Variants in YOD1 observed in about 807,000 individuals in gnomAD.
YOD1 encodes YOD1 deubiquitinase, also known as ubiquitin thioesterase OTU1.
A neutral mutation model predicts 23.7 loss-of-function variants in YOD1; 17 were observed. That is an observed-to-expected ratio of 0.72 (90% CI 0.49 to 1.07). The LOEUF (loss-of-function observed/expected upper bound fraction) is 1.07, where lower values mean the gene tolerates loss of function less well. Ranked by LOEUF, YOD1 falls within the 50% of genes least tolerant of loss-of-function variation. YOD1 has a pLI of 0.00. For synonymous variants in YOD1, 191 were observed against 169.6 expected (o/e 1.13, Z -0.98); for missense variants, 413 against 447.2 (o/e 0.92, Z 0.69).
In YOD1 at chr1:207,050,698, G is replaced by T. The variant is rs367980347; in HGVS notation, c.333C>A (p.Pro111=). 68 of 1,613,004 alleles carry T rather than the reference G, an allele frequency of 4.2e-5. No homozygotes were observed. Among genetic ancestry groups the T allele is most frequent in the Middle Eastern group, 3.3e-4 (2 of 6,082 alleles). Residue 111 remains proline, a synonymous_variant, in exon 1 of 2, where the codon CCC becomes CCA. Transcript: ENST00000315927. ...SNGDTILEDL[P]IQSGDMLIIE... ...GCCCTGATTCCTTACCAGATTGGAT[G>T]GGCAAGTCTTCCAGAATGGTATCCC...
At position 207,048,994 on chromosome 1, in the gene YOD1, G is replaced by A; in HGVS notation, c.*26C>T. 3 of 1,593,814 alleles carry A rather than the reference G, an allele frequency of 1.9e-6. No homozygotes were observed. Among genetic ancestry groups the A allele is most frequent in the Admixed American group, 1.7e-5 (1 of 58,850 alleles). The stretch of plus-strand genomic sequence containing the variant: ...AGCCTTCTGGATGTGTGAGGTAGTA[G>A]GCTTCAACCCTCATTCATGCATAGG... On this transcript the variant is annotated 3_prime_UTR_variant, in exon 2 of 2. Transcript: ENST00000315927.
rs566341768 is a variant in YOD1 at position 207,044,185 on chromosome 1, G to A, written c.*4835C>T. 6 of 152,432 alleles carry A rather than the reference G, an allele frequency of 3.9e-5. No homozygotes were observed. Among genetic ancestry groups the A allele is most frequent in the South Asian group, 2.1e-4 (1 of 4,822 alleles). 9.4% of individuals were successfully genotyped at this position (152,432 alleles called of 1,614,324 possible). ...TCTTTACTTGTGGTTTTCTTTTTGC[G>A]TTAGGAACCTCTGTCTCTACTGCAT... On this transcript the variant is annotated 3_prime_UTR_variant, in exon 2 of 2. Coordinates refer to ENST00000315927, the MANE Select transcript of YOD1 (RefSeq NM_018566.4).
At position 207,044,371 on chromosome 1, in the gene YOD1, T is replaced by C. The variant is rs1682544857; in HGVS notation, c.*4649A>G. ...CAGCTGGAGTCCTGAATGGCACCAA[T>C]GTGACTGGAAAACTGACAAAAATTA... On this transcript the variant is annotated 3_prime_UTR_variant, in exon 2 of 2. Coordinates refer to ENST00000315927, the MANE Select transcript of YOD1 (RefSeq NM_018566.4). The C allele has an allele frequency of 6.6e-6, 1 of 152,588 alleles. No individual in the cohort carries two copies. Among genetic ancestry groups the C allele is most frequent in the South Asian group, 2.1e-4 (1 of 4,830 alleles). The allele number at this position is 152,588 out of a possible 1,614,324, so 9.5% of individuals were successfully genotyped here.
At position 207,051,070 on chromosome 1, in the gene YOD1, C is replaced by G. The variant is rs770733438; in HGVS notation, c.-40G>C. On this transcript the variant is annotated 5_prime_UTR_variant, in exon 1 of 2. Transcript: ENST00000315927. ...GGTGGTTGCAGTTATCGCGACGCTT[C>G]GGTGCGGCTTCTGCCTTAGTACCTT... The G allele has an allele frequency of 1.4e-4, 198 of 1,465,702 alleles. No homozygotes were observed. Among genetic ancestry groups the G allele is most frequent in the Non-Finnish European group, 1.7e-4 (186 of 1,111,980 alleles). 90.8% of individuals were successfully genotyped at this position (1,465,702 alleles called of 1,614,324 possible). A position where few individuals can be genotyped will look rare whatever the true frequency, so the allele number is the denominator to read the frequency against.
chr1:207,050,761 G>C lies in YOD1; in HGVS notation c.270C>G (p.Leu90=). 1 of 1,613,416 alleles carries C rather than the reference G, an allele frequency of 6.2e-7. No individual in the cohort carries two copies. The highest frequency in any genetic ancestry group is 8.5e-7 in the Non-Finnish European group (1 of 1,180,036). Residue 90 remains leucine (L), a synonymous_variant, in exon 1 of 2, where the codon CTC becomes CTG. Transcript: ENST00000315927. The part of the protein sequence containing the change: ...TGIAPGGQRI[L]VGYPPECLDL... Reference sequence around the variant, plus strand: ...CCAGGCACTCGGGAGGGTATCCGACGAGGATTCGCTGACCGCCGGGGGCGA... The same window carrying C: ...CCAGGCACTCGGGAGGGTATCCGACCAGGATTCGCTGACCGCCGGGGGCGA...
chr1:207,050,995 G>C lies in YOD1; in HGVS notation c.36C>G (p.Val12=). Residue 12 remains valine, a synonymous_variant, in exon 1 of 2, where the codon GTC becomes GTG. Coordinates refer to ENST00000315927, the MANE Select transcript of YOD1 (RefSeq NM_018566.4). ...FGPAKGRHFG[V]HPAPGFPGGV... is the part of the protein sequence containing the mutation. ...CGCCGGGGAAACCAGGCGCCGGGTG[G>C]ACTCCAAAATGGCGACCTTTAGCGG... The C allele has an allele frequency of 6.5e-7, 1 of 1,531,872 alleles. No homozygotes were observed. Among genetic ancestry groups the C allele is most frequent in the Non-Finnish European group, 8.8e-7 (1 of 1,137,934 alleles). The allele number at this position is 1,531,872 out of a possible 1,614,324, so 94.9% of individuals were successfully genotyped here.
Position 207,049,501 on chromosome 1 carries a change from A to T in YOD1, c.566T>A (p.Ile189Asn), listed in dbSNP as rs1369051532. 1 of 1,614,122 alleles carries T rather than the reference A, an allele frequency of 6.2e-7. No individual in the cohort carries two copies. The highest frequency in any genetic ancestry group is 8.5e-7 in the Non-Finnish European group (1 of 1,180,004). Residue 189 changes from isoleucine to asparagine, a missense_variant, in exon 2 of 2, where the codon ATT (isoleucine) becomes AAT (asparagine). Ile to Asn is a moderately radical substitution (Grantham distance 149). Coordinates refer to ENST00000315927, the MANE Select transcript of YOD1 (RefSeq NM_018566.4). Reference protein sequence around the residue: ...APEMRRLIAQIVASDPDFYSE... With the variant: ...APEMRRLIAQNVASDPDFYSE... Reference sequence around the variant, plus strand: ...ATAGAAGTCTGGATCGCTTGCTACAATTTGTGCTATGAGGCGTCTCATCTC... The same window carrying T: ...ATAGAAGTCTGGATCGCTTGCTACATTTTGTGCTATGAGGCGTCTCATCTC...
At chr1:207,052,129 C>T, upstream of YOD1, 4 of 1,539,436 alleles carry the variant, frequency 2.6e-6, no homozygotes, top group Non-Finnish European at 3.6e-6. Context: ...TATCAAGCAT[C>T]AAACGGGCCC....
chr1:207,052,283 C>T (rs745552425), upstream of YOD1: 1 of 1,537,890 alleles, frequency 6.5e-7, no homozygotes, highest in South Asian at 1.1e-5. Context: ...GTGCAATTTT[C>T]CTCCTTGGTT....
rs1441934448 is a variant in YOD1, at chr1:207,050,984, G to A, written c.47C>T (p.Pro16Leu). 1 of 1,532,874 alleles carries A rather than the reference G, an allele frequency of 6.5e-7. No individual in the cohort carries two copies. The highest frequency in any genetic ancestry group is 1.4e-5 in the African/African-American group (1 of 72,550). 95.0% of individuals were successfully genotyped at this position (1,532,874 alleles called of 1,614,324 possible). A position where few individuals can be genotyped will look rare whatever the true frequency, so the allele number is the denominator to read the frequency against. The change falls in exon 1 of 2, where the codon CCT (proline) becomes CTT (leucine). Residue 16 changes from proline to leucine, a missense_variant. Physicochemically the swap from Pro to Leu is moderately conservative, Grantham distance 98 (BLOSUM62 -3). Transcript: ENST00000315927. ...KGRHFGVHPA[P>L]GFPGGVSQQA... Reference sequence around the variant, plus strand: ...TTGGGAGACGCCGCCGGGGAAACCAGGCGCCGGGTGGACTCCAAAATGGCG... The same window carrying A: ...TTGGGAGACGCCGCCGGGGAAACCAAGCGCCGGGTGGACTCCAAAATGGCG...
intron 1 of YOD1, 84 bp downstream of exon 1, chr1:207,050,604 C>T (rs1682716597): frequency 1.3e-6 from 2 of 1,578,354 alleles, no homozygotes; most frequent in African/African-American, 2.7e-5. Context: ...TCACAGCCAC[C>T]TTGCCTTGAC....
chr1:207,045,146 G>A lies in YOD1; in HGVS notation c.*3874C>T, dbSNP rs1682568118. The stretch of plus-strand genomic sequence containing the variant: ...TGTATATGACACGTTTAAGGCCTCT[G>A]ACTCAAAAATCAGCTTCCTTATAAG... On this transcript the variant is annotated 3_prime_UTR_variant, in exon 2 of 2. Transcript: ENST00000315927. The A allele has an allele frequency of 6.6e-6, 1 of 152,358 alleles. No homozygotes were observed. Among genetic ancestry groups the A allele is most frequent in the African/African-American group, 2.4e-5 (1 of 41,416 alleles). 9.4% of individuals were successfully genotyped at this position (152,358 alleles called of 1,614,324 possible). A position where few individuals can be genotyped will look rare whatever the true frequency, so the allele number is the denominator to read the frequency against.
rs1682574973 is a variant in YOD1, at chr1:207,045,399, C to A, written c.*3621G>T. On this transcript the variant is annotated 3_prime_UTR_variant, in exon 2 of 2. Transcript: ENST00000315927. ...GTTGTGCCAATAGATACACTCTACA[C>A]TGATGGCAATCTTTGATTAAGAAGA... The A allele has an allele frequency of 6.6e-6, 1 of 152,496 alleles. No homozygotes were observed. The highest frequency in any genetic ancestry group is 1.5e-5 in the Non-Finnish European group (1 of 67,920). 9.4% of individuals were successfully genotyped at this position (152,496 alleles called of 1,614,324 possible). A position where few individuals can be genotyped will look rare whatever the true frequency, so the allele number is the denominator to read the frequency against.
Position 207,049,699 on chromosome 1 carries a change from T to C in YOD1, c.368A>G (p.Asp123Gly), listed in dbSNP as rs1234981489. 1.2e-6 allele frequency: 2 copies of C among 1,613,754 alleles called. No homozygotes were observed. The highest frequency in any genetic ancestry group is 2.7e-5 in the African/African-American group (2 of 74,900). Residue 123 changes from aspartate (D) to glycine (G), a missense_variant, in exon 2 of 2, where the codon GAC becomes GGC. Physicochemically the swap from Asp to Gly is moderately conservative, Grantham distance 94. Coordinates refer to ENST00000315927, the MANE Select transcript of YOD1 (RefSeq NM_018566.4). ...AGGTGAACTTCTGGGCCTGGTTTGGTCTTCTTCAATGATCAGCATGTCACC... is the reference window on the plus strand; with the variant it reads ...AGGTGAACTTCTGGGCCTGGTTTGGCCTTCTTCAATGATCAGCATGTCACC... ...QSGDMLIIEE[D>G]QTRPRSSPAF...
In YOD1 at chr1:207,050,961, G is replaced by C. The variant is rs780009774; in HGVS notation, c.70C>G (p.Gln24Glu). 3.2e-6 allele frequency: 5 copies of C among 1,556,078 alleles called. No individual in the cohort carries two copies. The South Asian group carries it at 3.5e-5, about 11-fold the overall frequency. Residue 24 changes from glutamine to glutamate, a missense_variant, in exon 1 of 2, where the codon CAA (glutamine) becomes GAA (glutamate). Gln to Glu is a conservative substitution (Grantham distance 29, BLOSUM62 2). Coordinates refer to ENST00000315927, the MANE Select transcript of YOD1 (RefSeq NM_018566.4). ...PAPGFPGGVS[Q>E]QAAGTKAGPA... is the part of the protein sequence containing the mutation. The stretch of plus-strand genomic sequence containing the variant: ...CCAGCTTTGGTCCCGGCAGCCTGTT[G>C]GGAGACGCCGCCGGGGAAACCAGGC...
upstream of YOD1, chr1:207,052,260 T>C: frequency 1.3e-6 from 2 of 1,515,090 alleles, no homozygotes; most frequent in Non-Finnish European, 1.8e-6. Flanking sequence ...CATGACTCAA[T>C]TTTTTTTTGC....
upstream of YOD1, chr1:207,052,862 A>C (rs1682791376): frequency 1.3e-5 from 2 of 152,340 alleles, no homozygotes; most frequent in Admixed American, 6.5e-5. Context: ...TTTAAAGCTT[A>C]CGTTCCCATT....
chr1:207,052,287 C>T, upstream of YOD1: 2 of 1,514,906 alleles, frequency 1.3e-6, no homozygotes, highest in South Asian at 1.1e-5. Flanking sequence ...AATTTTCCTC[C>T]TTGGTTCTTC....
Position 207,050,949 on chromosome 1 carries a change from C to T in YOD1, c.82G>A (p.Gly28Arg), listed in dbSNP as rs200758571. ...GCACCCGCGGGGCCAGCTTTGGTCC[C>T]GGCAGCCTGTTGGGAGACGCCGCCG... ...FPGGVSQQAA[G>R]TKAGPAGAWP... Residue 28 changes from glycine to arginine, a missense_variant, in exon 1 of 2, where the codon GGG becomes AGG. Physicochemically the swap from Gly to Arg is moderately radical, Grantham distance 125. Coordinates refer to ENST00000315927, the MANE Select transcript of YOD1 (RefSeq NM_018566.4). 2.5e-6 allele frequency: 4 copies of T among 1,572,742 alleles called. No individual in the cohort carries two copies. The highest frequency in any genetic ancestry group is 2.4e-5 in the East Asian group (1 of 42,500).
Sources: gnomAD v4.1 joint callset for allele counts on GRCh38, gnomAD v4.1.1 for gene constraint, MANE v1.5 for transcripts, NCBI Gene and HGNC (gene_info 2026-07-23, HGNC 2026-07-21) for gene names.